Variants in SLC4A8 observed in about 807,000 individuals in gnomAD.
The protein encoded by SLC4A8 is electroneutral sodium bicarbonate exchanger 1.
Under a neutral mutation model 125.0 loss-of-function variants are expected in SLC4A8, and 40 were observed. That is an observed-to-expected ratio of 0.32 (90% CI 0.25 to 0.42). SLC4A8 has a LOEUF of 0.42. SLC4A8 is among the 10% of genes least tolerant of loss of function. SLC4A8 has a pLI of 1.00. For synonymous variants in SLC4A8, 456 were observed against 476.0 expected (o/e 0.96, Z 0.55); for missense variants, 863 against 1,355.1 (o/e 0.64, Z 5.70).
intron 19 of SLC4A8, among the ~76,000 whole-genome samples, chr12:51,492,911 G>T (rs1374545491): frequency 6.6e-6 from 1 of 151,142 alleles, no homozygotes; most frequent in African/African-American, 2.4e-5. Flanking sequence ...TCATTGTTCA[G>T]CTCCCACTTA....
intron 17 of SLC4A8, among the ~76,000 whole-genome samples, chr12:51,486,850 A>G (rs1026119437): frequency 1.3e-5 from 2 of 152,120 alleles, no homozygotes; most frequent in African/African-American, 4.8e-5. Flanking sequence ...ATTTTGTTGA[A>G]TTTGCTGAAA....
At chr12:51,410,521 G>A (rs965503697) in intron 1 of SLC4A8, among the ~76,000 whole-genome samples, 2 of 151,570 alleles carry the variant, frequency 1.3e-5, no homozygotes, top group Non-Finnish European at 1.5e-5. Context: ...GCAGTGGCGC[G>A]ATCTTCGCTC....
intron 1 of SLC4A8, among the ~76,000 whole-genome samples, chr12:51,439,554 G>A (rs1565776749): frequency 1.3e-5 from 2 of 151,850 alleles, no homozygotes; most frequent in South Asian, 4.2e-4. Flanking sequence ...GGAGAGAATG[G>A]TAGTTCCAGG....
chr12:51,427,376 A>G lies in SLC4A8; in HGVS notation c.48+2341A>G, dbSNP rs549550989. ...GCATCATGACCCTTAGGTTTCTGTT[A>G]GTGTTCTGTGAAATTAGTAATTCTT... On this transcript the variant is annotated intron_variant, in intron 1 of 24. Transcript: ENST00000453097. Among the ~76,000 whole-genome samples, 5 of 152,270 alleles carry G rather than the reference A, an allele frequency of 3.3e-5. No individual in the cohort carries two copies. The East Asian group carries it at 9.7e-4, about 29-fold the overall frequency.
intron 1 of SLC4A8, among the ~76,000 whole-genome samples, chr12:51,406,857 A>C (rs1288856531): frequency 6.6e-6 from 1 of 152,238 alleles, no homozygotes; most frequent in East Asian, 1.9e-4. Flanking sequence ...GCAGCTAATG[A>C]GGAGGAGCCA....
rs74239978 is a variant in SLC4A8 at position 51,416,708 on chromosome 12, G to A, written c.-111-24000G>A. Among the ~76,000 whole-genome samples the A allele has an allele frequency of 1.4e-3, 206 of 152,212 alleles. 1 individual carries two copies. The East Asian group carries it at 0.033, about 24-fold the overall frequency. On this transcript the variant is annotated intron_variant, in intron 1 of 24. Transcript: ENST00000358657. ...AAGCTTCCACAATTGTTAACATTTT[G>A]TCATATTTGCTTTATTTCTCCTTAT...
At chr12:51,400,039 A>C (rs1309109912) in intron 1 of SLC4A8, among the ~76,000 whole-genome samples, 2 of 151,584 alleles carry the variant, frequency 1.3e-5, no homozygotes, top group African/African-American at 4.8e-5. Flanking sequence ...AGAGGTACGA[A>C]GTGGTCCCTC....
chr12:51,417,652 G>A (rs1948711529), intron 1 of SLC4A8, among the ~76,000 whole-genome samples: 1 of 152,132 alleles, frequency 6.6e-6, no homozygotes, highest in South Asian at 2.1e-4. Context: ...CGAGTGGCTG[G>A]GACTACAGGC....
At chr12:51,479,312 C>T (rs1001322398) in intron 16 of SLC4A8, among the ~76,000 whole-genome samples, 10 of 152,118 alleles carry the variant, frequency 6.6e-5, no homozygotes, top group African/African-American at 2.4e-4. Context: ...ACACAGGCGT[C>T]AAAAATGGAT....
In SLC4A8 at chr12:51,397,896, T is replaced by C. The variant is rs553863528; in HGVS notation, c.-112+6408T>C. ...AGCCTGGGCAACATAGTGAGACCCCTGTCTCTATAAAAAGTACAAAAATTA... is the reference window on the plus strand; with the variant it reads ...AGCCTGGGCAACATAGTGAGACCCCCGTCTCTATAAAAAGTACAAAAATTA... On this transcript the variant is annotated intron_variant, in intron 1 of 24. Transcript: ENST00000358657. Among the ~76,000 whole-genome samples the C allele has an allele frequency of 1.7e-3, 259 of 152,128 alleles. 1 individual carries two copies. The highest frequency in any genetic ancestry group is 3.3e-3 in the Non-Finnish European group (221 of 67,974).
At chr12:51,488,677 A>C (rs1452658543) in intron 17 of SLC4A8, 22 bp from the exon 18 acceptor site, 3 of 1,602,116 alleles carry the variant, frequency 1.9e-6, no homozygotes, top group Admixed American at 1.7e-5. Flanking sequence ...AAAATACAAA[A>C]ATAATATATT....
At position 51,425,072 on chromosome 12, in the gene SLC4A8, G is replaced by T. The variant is rs770027089; in HGVS notation, c.48+37G>T. ...CCTCCCGCGCCTCCCGCTCCTCCCC[G>T]GGGCGCAGCCTCCTCATCCTCTGCC... On this transcript the variant is annotated intron_variant, in intron 1 of 24. Coordinates refer to ENST00000453097, the MANE Select transcript of SLC4A8 (RefSeq NM_001039960.3). 4.5e-6 allele frequency: 7 copies of T among 1,541,218 alleles called. No individual in the cohort carries two copies. In the Admixed American group the frequency reaches 9.8e-5, roughly 22 times the overall value.
chr12:51,483,139 G>T (rs571147704), intron 16 of SLC4A8, among the ~76,000 whole-genome samples: 2 of 152,070 alleles, frequency 1.3e-5, no homozygotes, highest in Non-Finnish European at 2.9e-5. Context: ...TGCTTCTCTC[G>T]GCCTTGGTGG....
rs1938485488 is a variant in SLC4A8 at position 51,515,085 on chromosome 12, C to A, written c.*7647C>A. 1 of 152,322 alleles carries A rather than the reference C, an allele frequency of 6.6e-6. No individual in the cohort carries two copies. Among genetic ancestry groups the A allele is most frequent in the East Asian group, 1.9e-4 (1 of 5,178 alleles). The allele number at this position is 152,322 out of a possible 1,614,324, so 9.4% of individuals were successfully genotyped here. On this transcript the variant is annotated 3_prime_UTR_variant, in exon 25 of 25. Transcript: ENST00000453097. ...ATATTTCTTGAGAGAGAGAACTCAC[C>A]CATGGCACTTTTCTGAGCCCAGCAG...
At chr12:51,415,784 C>T (rs1301370538) in intron 1 of SLC4A8, among the ~76,000 whole-genome samples, 1 of 148,388 alleles carries the variant, frequency 6.7e-6, no homozygotes, top group Non-Finnish European at 1.5e-5. Context: ...GGGAGGGAGG[C>T]GAGCATTGAA....
intron 1 of SLC4A8, among the ~76,000 whole-genome samples, chr12:51,401,487 G>A (rs1469783166): frequency 1.3e-5 from 2 of 152,164 alleles, no homozygotes; most frequent in African/African-American, 2.4e-5. Context: ...ATGTCTTTCC[G>A]TGGGCCGATG....
intron 1 of SLC4A8, chr12:51,425,420 G>A: frequency 9.6e-7 from 1 of 1,042,638 alleles, no homozygotes; most frequent in Non-Finnish European, 1.2e-6. Context: ...CTCTGGTGGG[G>A]CACGTCTTCT....
intron 1 of SLC4A8, among the ~76,000 whole-genome samples, chr12:51,405,876 G>C (rs145336162): frequency 1.3e-5 from 2 of 152,200 alleles, no homozygotes; most frequent in African/African-American, 2.4e-5. Context: ...AATACCACAC[G>C]TAAGAGGTGA....
At chr12:51,412,100 T>C (rs1020368445) in intron 1 of SLC4A8, among the ~76,000 whole-genome samples, 2 of 152,180 alleles carry the variant, frequency 1.3e-5, no homozygotes, top group African/African-American at 2.4e-5. Flanking sequence ...AGTTTTATTA[T>C]CTTATGACAA....
Sources: allele counts gnomAD v4.1 joint callset (sites outside exome capture counted in the v4.1 genomes callset), GRCh38; gene constraint gnomAD v4.1.1; transcripts MANE v1.5; gene names NCBI Gene and HGNC (gene_info 2026-07-23, HGNC 2026-07-21).